The following GSG1L variants were observed in gnomAD, a reference collection of about 807,000 sequenced individuals.
GSG1L encodes GSG1 like, also known as germ cell-specific gene 1-like protein.
Under a neutral mutation model 42.1 loss-of-function variants are expected in GSG1L, and 24 were observed. The ratio of observed to expected loss-of-function variants is 0.57; its 90% CI spans 0.41 to 0.80. The LOEUF is 0.80. Ranked by LOEUF, GSG1L falls within the 30% of genes least tolerant of loss-of-function variation. GSG1L has a pLI of 0.00. For missense variants in GSG1L, 445 were observed against 472.2 expected (o/e 0.94, Z 0.53); for synonymous variants, 215 against 203.5 (o/e 1.06, Z -0.48).
chr16:27,796,045 G>C (rs2082814479), intron 6 of GSG1L, among the ~76,000 whole-genome samples: 1 of 152,206 alleles, frequency 6.6e-6, no homozygotes, highest in African/African-American at 2.4e-5. Flanking sequence ...GAGGGAAACT[G>C]ACTTGCTCAA....
intron 2 of GSG1L, among the ~76,000 whole-genome samples, chr16:27,894,512 A>T (rs569201010): frequency 6.6e-6 from 1 of 152,330 alleles, no homozygotes; most frequent in African/African-American, 2.4e-5. Flanking sequence ...CAAATCAATA[A>T]GGCACGGCGC....
chr16:28,051,522 A>C (rs1271951798), intron 1 of GSG1L, among the ~76,000 whole-genome samples: 5 of 152,162 alleles, frequency 3.3e-5, no homozygotes, highest in Non-Finnish European at 7.4e-5. Flanking sequence ...AAAAAAAAAA[A>C]AACAAGCTGC....
intron 5 of GSG1L, among the ~76,000 whole-genome samples, chr16:27,810,117 T>C: frequency 6.6e-6 from 1 of 152,374 alleles, no homozygotes; most frequent in East Asian, 1.9e-4. Context: ...GAAATGTCTC[T>C]TTCGTAACCT....
At chr16:27,878,351 A>G (rs2083912598) in intron 3 of GSG1L, among the ~76,000 whole-genome samples, 1 of 152,194 alleles carries the variant, frequency 6.6e-6, no homozygotes, top group Non-Finnish European at 1.5e-5. Flanking sequence ...CCTTCTTCAC[A>G]TGGCGGCAGG....
intron 3 of GSG1L, among the ~76,000 whole-genome samples, chr16:27,873,177 T>C (rs2083844142): frequency 1.3e-5 from 2 of 152,328 alleles, no homozygotes; most frequent in African/African-American, 2.4e-5. Flanking sequence ...GCTATGATTC[T>C]TGTTTGTGAT....
intron 2 of GSG1L, among the ~76,000 whole-genome samples, chr16:27,890,333 T>C (rs2084111036): frequency 6.6e-6 from 1 of 152,172 alleles, no homozygotes; most frequent in Non-Finnish European, 1.5e-5. Context: ...GGAGGATTCT[T>C]GGAAGCCAGG....
chr16:27,969,691 G>C (rs1276635913), intron 1 of GSG1L, among the ~76,000 whole-genome samples: 1 of 152,124 alleles, frequency 6.6e-6, no homozygotes, highest in Non-Finnish European at 1.5e-5. Context: ...TTTTTGTGTG[G>C]ACAAGTTTTT....
chr16:28,004,015 G>C lies in GSG1L; in HGVS notation c.350-40812C>G, dbSNP rs370180044. Among the ~76,000 whole-genome samples, 10 of 152,376 alleles carry C rather than the reference G, an allele frequency of 6.6e-5. 2 individuals are homozygous for C. Among genetic ancestry groups the C allele is most frequent in the East Asian group, 1.9e-4 (1 of 5,182 alleles). On this transcript the variant is annotated intron_variant, in intron 1 of 6. Transcript: ENST00000447459. The stretch of plus-strand genomic sequence containing the variant: ...GGCGGCACAGCTGCTGGTGCCCACT[G>C]TGAGTGTCACGCACCAGCCAGGCCT...
At chr16:28,005,201 C>T (rs1040233833) in intron 1 of GSG1L, among the ~76,000 whole-genome samples, 4 of 152,102 alleles carry the variant, frequency 2.6e-5, no homozygotes, top group Non-Finnish European at 4.4e-5. Flanking sequence ...GCAACCTCCA[C>T]CTCCTGGGTT....
chr16:28,019,396 C>T (rs952013309), intron 1 of GSG1L, among the ~76,000 whole-genome samples: 2 of 152,166 alleles, frequency 1.3e-5, no homozygotes, highest in Non-Finnish European at 2.9e-5. Flanking sequence ...CATGGCAATG[C>T]CCGGAAGTGA....
chr16:27,868,739 A>T (rs1285398862), intron 3 of GSG1L, among the ~76,000 whole-genome samples: 1 of 152,164 alleles, frequency 6.6e-6, no homozygotes, highest in African/African-American at 2.4e-5. Context: ...CCTCAGCTGG[A>T]GCTAGGCTGG....
chr16:27,996,943 G>C (rs1388613946), intron 1 of GSG1L, among the ~76,000 whole-genome samples: 1 of 152,008 alleles, frequency 6.6e-6, no homozygotes, highest in Non-Finnish European at 1.5e-5. Context: ...GTATTTTTTA[G>C]TACAGACAGG....
intron 3 of GSG1L, among the ~76,000 whole-genome samples, chr16:27,849,204 A>ACC (rs1567485072): frequency 1.1e-5 from 1 of 93,364 alleles, no homozygotes; most frequent in African/African-American, 5.3e-5. Context: ...TCCCAAAAAG[A>ACC]AAAAAAAAAA....
At chr16:28,026,034 G>A (rs933650795) in intron 1 of GSG1L, among the ~76,000 whole-genome samples, 5 of 152,174 alleles carry the variant, frequency 3.3e-5, no homozygotes, top group Non-Finnish European at 4.4e-5. Flanking sequence ...AAAGAAATTC[G>A]TCTGATCAAC....
At chr16:27,843,595 A>G (rs913654983) in intron 4 of GSG1L, among the ~76,000 whole-genome samples, 2 of 152,030 alleles carry the variant, frequency 1.3e-5, no homozygotes, top group African/African-American at 4.8e-5. Flanking sequence ...TTGAGAATGA[A>G]GCCAACACCA....
At chr16:28,060,872 A>G (rs1198685057) in intron 1 of GSG1L, among the ~76,000 whole-genome samples, 3 of 152,246 alleles carry the variant, frequency 2.0e-5, no homozygotes, top group Non-Finnish European at 4.4e-5. Context: ...TTTTCAATTA[A>G]TAATTTTTTA....
intron 1 of GSG1L, among the ~76,000 whole-genome samples, chr16:28,049,369 C>T (rs1223679663): frequency 6.6e-6 from 1 of 152,066 alleles, no homozygotes; most frequent in African/African-American, 2.4e-5. Context: ...AAAGACAACT[C>T]ACTAAAAATT....
At chr16:28,053,945 G>A (rs190909947) in intron 1 of GSG1L, among the ~76,000 whole-genome samples, 7 of 151,882 alleles carry the variant, frequency 4.6e-5, no homozygotes, top group Admixed American at 3.3e-4. Context: ...CTCCTCGCTC[G>A]CTCCCTCTGT....
chr16:27,924,532 C>T (rs2084569104), intron 2 of GSG1L, among the ~76,000 whole-genome samples: 1 of 152,020 alleles, frequency 6.6e-6, no homozygotes, highest in African/African-American at 2.4e-5. Context: ...GTCATGTGGC[C>T]ACAGAAACTT....
Sources: gnomAD v4.1 joint callset for allele counts (sites outside exome capture counted in the v4.1 genomes callset) on GRCh38, gnomAD v4.1.1 for gene constraint, MANE v1.5 for transcripts, NCBI Gene and HGNC (gene_info 2026-07-23, HGNC 2026-07-21) for gene names.